The following DGLUCY variants were observed in gnomAD, a reference collection of about 807,000 sequenced individuals.
DGLUCY encodes the protein D-glutamate cyclase, mitochondrial.
Under a neutral mutation model 58.5 loss-of-function variants are expected in DGLUCY, and 58 were observed. That is an observed-to-expected ratio of 0.99 (90% CI 0.80 to 1.23). The LOEUF is 1.23. Among genes scored for constraint, DGLUCY ranks in the 50% most tolerant of loss-of-function variants. The probability of loss-of-function intolerance (pLI) is 0.00; values close to 1 mark genes in which losing one functional copy is unlikely to be tolerated. For synonymous variants in DGLUCY, 325 were observed against 314.1 expected, an observed-to-expected ratio of 1.03 and a Z score of -0.37; for missense variants, 779 against 784.7, an observed-to-expected ratio of 0.99 and a Z score of 0.09.
At chr14:91,104,530 G>A (rs1364138164), upstream of DGLUCY, among the ~76,000 whole-genome samples, 2 of 152,154 alleles carry the variant, frequency 1.3e-5, no homozygotes, top group Non-Finnish European at 2.9e-5. Context: ...CCTGGATGTA[G>A]GGGCTGCTCT....
At chr14:91,192,961 G>T (rs1416110531) in intron 9 of DGLUCY, among the ~76,000 whole-genome samples, 1 of 152,216 alleles carries the variant, frequency 6.6e-6, no homozygotes, top group Non-Finnish European at 1.5e-5. Flanking sequence ...TATATAAAGA[G>T]TTCAGGAGAG....
At chr14:91,117,232 G>A (rs939341077) in intron 1 of DGLUCY, among the ~76,000 whole-genome samples, 1 of 152,172 alleles carries the variant, frequency 6.6e-6, no homozygotes, top group South Asian at 2.1e-4. Context: ...CAGTGAGGAC[G>A]ACCAGAGGTC....
At chr14:91,070,298 G>A (rs1244877050) in intron 1 of DGLUCY, among the ~76,000 whole-genome samples, 1 of 152,190 alleles carries the variant, frequency 6.6e-6, no homozygotes, top group Non-Finnish European at 1.5e-5. Flanking sequence ...AACCCAGAGA[G>A]CCTAGAGTGA....
In DGLUCY at chr14:91,167,314, C is replaced by T. The variant is rs956310762; in HGVS notation, c.193C>T (p.Leu65=). The change falls in exon 4 of 14, where the codon CTG becomes TTG. Residue 65 remains leucine (L), a synonymous_variant. Transcript: ENST00000256324. ...CCAGGTCAACACTGGTCCTCTACCC[C>T]TGCTGGGCCAGAGTGAGCCAGAAAA... is the stretch of plus-strand genomic sequence containing the variant. ...FCQVNTGPLP[L]LGQSEPEKWM... The T allele has an allele frequency of 3.1e-6, 5 of 1,614,064 alleles. No individual in the cohort carries two copies. In the Admixed American group the frequency reaches 5.0e-5, roughly 16 times the overall value.
At chr14:91,127,499 C>T (rs1440958505) in intron 1 of DGLUCY, among the ~76,000 whole-genome samples, 1 of 152,274 alleles carries the variant, frequency 6.6e-6, no homozygotes, top group Non-Finnish European at 1.5e-5. Context: ...AGACTGCAGC[C>T]TTCTGGCCTC....
At chr14:91,138,347 C>T (rs868363983) in intron 1 of DGLUCY, among the ~76,000 whole-genome samples, 46 of 152,002 alleles carry the variant, frequency 3.0e-4, no homozygotes, top group African/African-American at 8.5e-4. Context: ...CAAAATTAGC[C>T]GGGTGTGGTG....
intron 1 of DGLUCY, among the ~76,000 whole-genome samples, chr14:91,062,087 A>G (rs895173936): frequency 2.0e-5 from 3 of 152,228 alleles, no homozygotes; most frequent in Non-Finnish European, 2.9e-5. Flanking sequence ...CCTTTTTCAC[A>G]ACTACTCAGC....
rs2047909180 is a variant in DGLUCY, at chr14:91,160,403, T to C, written c.103+6T>C. 7.5e-7 allele frequency: 1 copy of C among 1,326,320 alleles called. No individual in the cohort carries two copies. Among genetic ancestry groups the C allele is most frequent in the African/African-American group, 1.8e-5 (1 of 55,584 alleles). The allele number at this position is 1,326,320 out of a possible 1,614,324, so 82.2% of individuals were successfully genotyped here. A position where few individuals can be genotyped will look rare whatever the true frequency, so the allele number is the denominator to read the frequency against. ...TACATCCAGCATGGCTGGAGGTAAGTGGTGCCAGATAGTTAAAAAAAAAAA... is the reference window on the plus strand; with the variant it reads ...TACATCCAGCATGGCTGGAGGTAAGCGGTGCCAGATAGTTAAAAAAAAAAA... On this transcript the variant is annotated splice_donor_region_variant and intron_variant, in intron 3 of 13. Transcript: ENST00000256324.
chr14:91,131,942 T>C (rs2046046866), intron 1 of DGLUCY, among the ~76,000 whole-genome samples: 2 of 152,270 alleles, frequency 1.3e-5, no homozygotes, highest in African/African-American at 4.8e-5. Flanking sequence ...TACAAGAGTG[T>C]GCCACCACAC....
At position 91,215,459 on chromosome 14, in the gene DGLUCY, CAT is replaced by C. The variant is rs778879293; in HGVS notation, c.1620_1621del (p.Ala542CysfsTer30). On this transcript the variant is annotated frameshift_variant, in exon 13 of 14. Transcript: ENST00000256324. LOFTEE classifies it high-confidence loss of function. The stretch of plus-strand genomic sequence containing the variant: ...GCCTGCGCACTCTACATCCTGTACT[CAT>C]GTGCTGTCCACAGTCAGTACCTGAG... 2 of 1,614,248 alleles carry C rather than the reference CAT, an allele frequency of 1.2e-6. No individual in the cohort carries two copies. The highest frequency in any genetic ancestry group is 1.7e-6 in the Non-Finnish European group (2 of 1,180,044).
At chr14:91,155,372 AC>A (rs1462323034) in intron 1 of DGLUCY, among the ~76,000 whole-genome samples, 1 of 152,096 alleles carries the variant, frequency 6.6e-6, no homozygotes, top group Non-Finnish European at 1.5e-5. Flanking sequence ...TTTAACCCTT[AC>A]CACCACTCAG....
At chr14:91,222,245 G>A (rs577234626) in intron 13 of DGLUCY, among the ~76,000 whole-genome samples, 1 of 152,304 alleles carries the variant, frequency 6.6e-6, no homozygotes, top group Admixed American at 6.5e-5. Context: ...GGCCCAGCTG[G>A]TCCCTGTGTC....
At chr14:91,212,330 G>A (rs1020343367) in intron 12 of DGLUCY, among the ~76,000 whole-genome samples, 2 of 151,628 alleles carry the variant, frequency 1.3e-5, no homozygotes, top group Admixed American at 1.3e-4. Context: ...AATGTAGCGA[G>A]AACTTGTCTC....
chr14:91,073,924 C>G (rs1418268528), intron 1 of DGLUCY, among the ~76,000 whole-genome samples: 1 of 151,414 alleles, frequency 6.6e-6, no homozygotes, highest in Non-Finnish European at 1.5e-5. Context: ...AGTTTAAGAC[C>G]AGCCCGGGCA....
chr14:91,099,138 G>A (rs1042703917), intron 1 of DGLUCY, among the ~76,000 whole-genome samples: 2 of 152,172 alleles, frequency 1.3e-5, no homozygotes, highest in African/African-American at 2.4e-5. Flanking sequence ...AAGAATTAAG[G>A]CCAACAAATG....
chr14:91,102,863 G>T (rs1031615256), intron 1 of DGLUCY, among the ~76,000 whole-genome samples: 1 of 151,198 alleles, frequency 6.6e-6, no homozygotes, highest in Admixed American at 6.6e-5. Flanking sequence ...CCAGGTACAA[G>T]CAATTCTCCT....
chr14:91,129,964 A>T (rs1049651348), intron 1 of DGLUCY, among the ~76,000 whole-genome samples: 1 of 152,094 alleles, frequency 6.6e-6, no homozygotes, highest in Non-Finnish European at 1.5e-5. Context: ...GATGTTTTTG[A>T]GCTTCGTTTG....
intron 1 of DGLUCY, among the ~76,000 whole-genome samples, chr14:91,137,996 G>A (rs567304023): frequency 4.6e-5 from 7 of 152,194 alleles, no homozygotes; most frequent in South Asian, 2.1e-4. Context: ...AAGACACTGC[G>A]TGATTCAGTT....
At chr14:91,181,996 T>TA (rs1294680555) in intron 8 of DGLUCY, among the ~76,000 whole-genome samples, 7 of 152,038 alleles carry the variant, frequency 4.6e-5, no homozygotes, top group African/African-American at 1.4e-4. Context: ...TTTATTTATT[T>TA]TTGAGATGGA....
Sources: allele counts gnomAD v4.1 joint callset (sites outside exome capture counted in the v4.1 genomes callset), GRCh38; gene constraint gnomAD v4.1.1; transcripts MANE v1.5; gene names NCBI Gene and HGNC (gene_info 2026-07-23, HGNC 2026-07-21).